Variants in IMMP2L observed in about 807,000 individuals in gnomAD.
IMMP2L encodes the protein mitochondrial inner membrane protease subunit 2.
In IMMP2L, 18 loss-of-function variants were observed where a neutral mutation model predicts 19.3. The observed-to-expected ratio is 0.93, with a 90% CI of 0.64 to 1.38. The LOEUF is 1.38. Ranked by LOEUF, IMMP2L falls within the 40% of genes most tolerant of loss-of-function variation. The pLI is 0.00. For synonymous variants in IMMP2L, 76 were observed against 73.0 expected, an observed-to-expected ratio of 1.04 and a Z score of -0.21; for missense variants, 233 against 218.2, an observed-to-expected ratio of 1.07 and a Z score of -0.43.
intron 3 of IMMP2L, chr7:111,125,071 T>G (rs1325860938): frequency 1.9e-6 from 1 of 525,700 alleles, no homozygotes; most frequent in Non-Finnish European, 3.4e-6. Context: ...TGGAAATATG[T>G]ACAACTTCAG....
intron 5 of IMMP2L, among the ~76,000 whole-genome samples, chr7:110,722,859 G>A (rs1795662868): frequency 6.6e-6 from 1 of 152,068 alleles, no homozygotes; most frequent in Admixed American, 6.6e-5. Flanking sequence ...AAATGTGTGT[G>A]TGAAGCAAGT....
At chr7:111,376,329 G>C (rs1830675162) in intron 3 of IMMP2L, among the ~76,000 whole-genome samples, 1 of 151,944 alleles carries the variant, frequency 6.6e-6, no homozygotes. Flanking sequence ...TAGTTATCAG[G>C]GAAATGCAAA....
chr7:111,478,915 T>C (rs943001548), intron 3 of IMMP2L, among the ~76,000 whole-genome samples: 1 of 152,228 alleles, frequency 6.6e-6, no homozygotes, highest in Middle Eastern at 3.2e-3. Context: ...TGTCTCTTGC[T>C]TCCAGCAATG....
intron 3 of IMMP2L, among the ~76,000 whole-genome samples, chr7:111,313,576 A>C (rs1310228911): frequency 6.6e-6 from 1 of 152,180 alleles, no homozygotes; most frequent in Non-Finnish European, 1.5e-5. Flanking sequence ...TCTCAATCTA[A>C]TCTTAACTTT....
At chr7:111,303,853 A>G (rs2130070333) in intron 3 of IMMP2L, among the ~76,000 whole-genome samples, 1 of 152,218 alleles carries the variant, frequency 6.6e-6, no homozygotes, top group East Asian at 1.9e-4. Flanking sequence ...AAAGAAAAAA[A>G]GGTGTGATGG....
chr7:111,122,219 T>TA (rs1800732650), intron 3 of IMMP2L, among the ~76,000 whole-genome samples: 1 of 146,800 alleles, frequency 6.8e-6, no homozygotes, highest in African/African-American at 2.7e-5. Context: ...ACTTAAAGTA[T>TA]AATAAAAAAA....
chr7:111,543,287 C>T (rs1585613548), intron 1 of IMMP2L, among the ~76,000 whole-genome samples: 1 of 152,124 alleles, frequency 6.6e-6, no homozygotes. Context: ...TTAAAACATT[C>T]ATAACCATAT....
intron 3 of IMMP2L, among the ~76,000 whole-genome samples, chr7:111,280,731 T>C (rs748832600): frequency 6.6e-5 from 10 of 151,998 alleles, no homozygotes; most frequent in Non-Finnish European, 1.0e-4. Flanking sequence ...GTAATAAGTG[T>C]TTAAAGGCTT....
At chr7:111,083,718 T>A (rs1279358805) in intron 3 of IMMP2L, among the ~76,000 whole-genome samples, 1 of 152,148 alleles carries the variant, frequency 6.6e-6, no homozygotes, top group Non-Finnish European at 1.5e-5. Flanking sequence ...TGAAACCATA[T>A]GTGTGCAGGG....
At chr7:111,159,406 G>A (rs142026830) in intron 3 of IMMP2L, among the ~76,000 whole-genome samples, 4 of 152,056 alleles carry the variant, frequency 2.6e-5, no homozygotes, top group East Asian at 1.9e-4. Context: ...GAGCTCCCAC[G>A]CCTGTCCTCA....
chr7:111,032,648 C>T (rs67679818), intron 3 of IMMP2L, among the ~76,000 whole-genome samples: 68,596 of 151,492 alleles, frequency 0.45, 16,989 homozygotes, highest in Non-Finnish European at 0.57. Flanking sequence ...ATGGTGAAAC[C>T]CCCTCCCTAC....
At chr7:111,106,881 AAGAGT>A (rs1798608797) in intron 3 of IMMP2L, among the ~76,000 whole-genome samples, 2 of 151,754 alleles carry the variant, frequency 1.3e-5, no homozygotes, top group South Asian at 4.2e-4. Context: ...CTTTGTTTAG[AAGAGT>A]AAAGGAAAAC....
At chr7:110,893,708 A>G (rs905329316) in intron 4 of IMMP2L, among the ~76,000 whole-genome samples, 11 of 152,300 alleles carry the variant, frequency 7.2e-5, no homozygotes, top group African/African-American at 2.4e-4. Flanking sequence ...CAAATTCTTG[A>G]ATATGAACAC....
At chr7:110,748,779 C>G (rs1222110404) in intron 5 of IMMP2L, among the ~76,000 whole-genome samples, 6 of 152,086 alleles carry the variant, frequency 3.9e-5, no homozygotes, top group Admixed American at 3.9e-4. Flanking sequence ...AACCTAAGAC[C>G]TAAAACCATA....
intron 2 of IMMP2L, among the ~76,000 whole-genome samples, chr7:111,488,514 T>C (rs1301871660): frequency 6.6e-6 from 1 of 152,190 alleles, no homozygotes; most frequent in Admixed American, 6.5e-5. Flanking sequence ...ATAACATTAT[T>C]TCGTTCCTTT....
chr7:111,540,840 T>C (rs1224008030), intron 1 of IMMP2L, among the ~76,000 whole-genome samples: 2 of 152,172 alleles, frequency 1.3e-5, no homozygotes. Context: ...TTTCATATGG[T>C]TGTGTCAGAC....
At chr7:110,936,043 T>C (rs1357774208) in intron 4 of IMMP2L, among the ~76,000 whole-genome samples, 1 of 152,038 alleles carries the variant, frequency 6.6e-6, no homozygotes, top group Non-Finnish European at 1.5e-5. Flanking sequence ...TATACAAAAA[T>C]TAACTCAAGA....
chr7:111,186,292 T>C (rs1808254878), intron 3 of IMMP2L, among the ~76,000 whole-genome samples: 1 of 152,158 alleles, frequency 6.6e-6, no homozygotes, highest in Non-Finnish European at 1.5e-5. Flanking sequence ...CATGTGATTG[T>C]CACAAATACA....
At chr7:111,084,990 G>A (rs180794855) in intron 3 of IMMP2L, among the ~76,000 whole-genome samples, 2 of 152,230 alleles carry the variant, frequency 1.3e-5, no homozygotes, top group East Asian at 1.9e-4. Flanking sequence ...GTTTCACATC[G>A]CTAGAAAAGG....
Sources: gnomAD v4.1 joint callset for allele counts (sites outside exome capture counted in the v4.1 genomes callset) on GRCh38, gnomAD v4.1.1 for gene constraint, MANE v1.5 for transcripts, NCBI Gene and HGNC (gene_info 2026-07-23, HGNC 2026-07-21) for gene names.